LRRC4C: variants seen among roughly 807,000 people sequenced by gnomAD.
LRRC4C encodes the protein leucine-rich repeat-containing protein 4C.
In LRRC4C, 5 loss-of-function variants were observed where a neutral mutation model predicts 33.6. The observed-to-expected ratio is 0.15, with a 90% CI of 0.08 to 0.31. The LOEUF (loss-of-function observed/expected upper bound fraction) is 0.31, where lower values mean the gene tolerates loss of function less well. LRRC4C is among the 10% of genes least tolerant of loss of function. The pLI, the probability that LRRC4C is intolerant of heterozygous loss-of-function variation, is 1.00. For synonymous variants in LRRC4C, 329 were observed against 302.0 expected (o/e 1.09, Z -0.93); for missense variants, 560 against 796.7 (o/e 0.70, Z 3.58).
At chr11:40,203,287 C>T (rs1862903626) in intron 5 of LRRC4C, among the ~76,000 whole-genome samples, 1 of 152,046 alleles carries the variant, frequency 6.6e-6, no homozygotes, top group Admixed American at 6.6e-5. Context: ...AATAAAGAAC[C>T]ACAACATTTA....
At chr11:40,494,665 C>T (rs894734372) in intron 3 of LRRC4C, among the ~76,000 whole-genome samples, 2 of 151,922 alleles carry the variant, frequency 1.3e-5, no homozygotes, top group Non-Finnish European at 2.9e-5. Flanking sequence ...AAATCATATG[C>T]CCTGGTAAAG....
At chr11:41,186,707 C>T (rs1945708865) in intron 1 of LRRC4C, among the ~76,000 whole-genome samples, 1 of 152,088 alleles carries the variant, frequency 6.6e-6, no homozygotes, top group Admixed American at 6.6e-5. Context: ...CACTATTTAT[C>T]TAGTAACATC....
At chr11:40,555,361 T>C (rs1354714589) in intron 3 of LRRC4C, among the ~76,000 whole-genome samples, 2 of 152,206 alleles carry the variant, frequency 1.3e-5, no homozygotes, top group Non-Finnish European at 2.9e-5. Context: ...GTAAAATCAC[T>C]CTCTGAAATA....
intron 3 of LRRC4C, among the ~76,000 whole-genome samples, chr11:40,368,062 G>A (rs1042173921): frequency 1.3e-5 from 2 of 152,078 alleles, no homozygotes; most frequent in Non-Finnish European, 2.9e-5. Context: ...TGTCATAGCT[G>A]ATTGGCTTAA....
chr11:40,561,896 A>G (rs1477173508), intron 3 of LRRC4C, among the ~76,000 whole-genome samples: 1 of 152,242 alleles, frequency 6.6e-6, no homozygotes, highest in African/African-American at 2.4e-5. Flanking sequence ...ATTGACAAAT[A>G]GTTGTAATCT....
At chr11:41,366,225 GATAGATAGATA>G (rs1952536038) in intron 1 of LRRC4C, among the ~76,000 whole-genome samples, 1 of 146,588 alleles carries the variant, frequency 6.8e-6, no homozygotes, top group South Asian at 2.1e-4. Flanking sequence ...TAGATAGATA[GATAGATAGATA>G]GATAGATAGG....
intron 4 of LRRC4C, among the ~76,000 whole-genome samples, chr11:40,280,693 T>C (rs568243824): frequency 5.2e-4 from 79 of 152,220 alleles, no homozygotes; most frequent in African/African-American, 1.8e-3. Context: ...CATAGTAAAG[T>C]CATTGTTCTT....
intron 2 of LRRC4C, among the ~76,000 whole-genome samples, chr11:40,796,656 TTTTA>T (rs1176646491): frequency 3.7e-5 from 5 of 134,164 alleles, no homozygotes; most frequent in African/African-American, 1.7e-4. Flanking sequence ...TTTTTTTTTT[TTTTA>T]TTTTGAGACA....
intron 2 of LRRC4C, among the ~76,000 whole-genome samples, chr11:40,844,056 G>T (rs76835832): frequency 0.013 from 1,997 of 152,166 alleles, 43 homozygotes; most frequent in East Asian, 0.11. Flanking sequence ...GATTCTATGA[G>T]CAGGTAGCCT....
At chr11:40,527,722 C>T (rs1360906659) in intron 3 of LRRC4C, among the ~76,000 whole-genome samples, 1 of 152,006 alleles carries the variant, frequency 6.6e-6, no homozygotes, top group African/African-American at 2.4e-5. Context: ...ATATAGAGGT[C>T]TACAGCACAA....
chr11:40,615,249 TATATATATATATATATAC>T lies in LRRC4C; in HGVS notation c.-270+32875_-270+32892del, dbSNP rs1254094600. Among the ~76,000 whole-genome samples, 222 of 86,430 alleles carry T rather than the reference TATATATATATATATATAC, an allele frequency of 2.6e-3. 5 individuals carry two copies. The highest frequency in any genetic ancestry group is 7.4e-3 in the African/African-American group (216 of 29,232). The allele number at this position is 86,430 out of a possible 152,430, so 56.7% of individuals were successfully genotyped here. On this transcript the variant is annotated intron_variant, in intron 3 of 6. Coordinates refer to ENST00000528697, the MANE Select transcript of LRRC4C (RefSeq NM_001258419.2). ...TGCATTGATTTATTTTATATATATA[TATATATATATATATATAC>T]ACACACACACACATATGTATATTCA... is the stretch of plus-strand genomic sequence containing the variant.
intron 1 of LRRC4C, among the ~76,000 whole-genome samples, chr11:41,431,070 A>T (rs1439783756): frequency 6.6e-6 from 1 of 152,096 alleles, no homozygotes; most frequent in Non-Finnish European, 1.5e-5. Flanking sequence ...GACTAAAAAC[A>T]TTTATTTGTA....
At chr11:40,666,613 C>T (rs937803244) in intron 2 of LRRC4C, among the ~76,000 whole-genome samples, 1 of 151,998 alleles carries the variant, frequency 6.6e-6, no homozygotes, top group African/African-American at 2.4e-5. Context: ...AGAATTTTTG[C>T]TAATAGTATC....
chr11:40,673,203 A>G (rs1033829784), intron 2 of LRRC4C, among the ~76,000 whole-genome samples: 12 of 152,134 alleles, frequency 7.9e-5, no homozygotes, highest in Non-Finnish European at 1.5e-4. Context: ...TCCTTACATA[A>G]TCAGCTGAAC....
At chr11:41,415,628 T>C (rs1263083819) in intron 1 of LRRC4C, among the ~76,000 whole-genome samples, 1 of 152,056 alleles carries the variant, frequency 6.6e-6, no homozygotes, top group East Asian at 1.9e-4. Context: ...AAGCCTCGAG[T>C]CTGTACTCAG....
At chr11:41,278,644 G>A (rs535293391) in intron 1 of LRRC4C, among the ~76,000 whole-genome samples, 2 of 152,284 alleles carry the variant, frequency 1.3e-5, no homozygotes, top group East Asian at 1.9e-4. Context: ...CGTAGATCTC[G>A]GACTTTGCAT....
At chr11:40,256,990 TTC>T (rs1336028370) in intron 4 of LRRC4C, among the ~76,000 whole-genome samples, 1 of 152,216 alleles carries the variant, frequency 6.6e-6, no homozygotes, top group Non-Finnish European at 1.5e-5. Context: ...GATGTTTTAT[TTC>T]ATTAATGCAG....
chr11:40,521,367 G>A (rs1035615075), intron 3 of LRRC4C, among the ~76,000 whole-genome samples: 1 of 152,196 alleles, frequency 6.6e-6, no homozygotes, highest in African/African-American at 2.4e-5. Context: ...GAGTCAGCTT[G>A]GAGGCTGGAT....
chr11:40,952,703 G>C (rs77527382), intron 1 of LRRC4C, among the ~76,000 whole-genome samples: 3,807 of 152,000 alleles, frequency 0.025, 229 homozygotes, highest in East Asian at 0.23. Context: ...TCCAATCCAA[G>C]TGTTCTTGAA....
Sources: allele counts gnomAD v4.1 joint callset (sites outside exome capture counted in the v4.1 genomes callset), GRCh38; gene constraint gnomAD v4.1.1; transcripts MANE v1.5; gene names NCBI Gene and HGNC (gene_info 2026-07-23, HGNC 2026-07-21).